ATRX: variants seen among roughly 807,000 people sequenced by gnomAD.
ATRX encodes ATRX chromatin remodeler, also known as chromatin remodeler ATRX.
A neutral mutation model predicts 172.6 loss-of-function variants in ATRX; 12 were observed. The ratio of observed to expected loss-of-function variants is 0.07; its 90% CI spans 0.04 to 0.11. ATRX has a LOEUF of 0.11. ATRX is among the 10% of genes least tolerant of loss of function. ATRX has a pLI of 1.00. For synonymous variants in ATRX, 674 were observed against 594.7 expected (o/e 1.13, Z -1.94); for missense variants, 1,368 against 1,767.4 (o/e 0.77, Z 4.05).
chrX:77,758,735 G>A (rs1234961979), intron 1 of ATRX, among the ~76,000 whole-genome samples: 1 of 109,726 alleles, frequency 9.1e-6, no homozygotes, highest in African/African-American at 3.3e-5. Context: ...TTTAGCCTGG[G>A]TGACAGAGCG....
chrX:77,563,702 C>CGCGT (rs2065095325), intron 28 of ATRX, among the ~76,000 whole-genome samples: 2 of 95,491 alleles, frequency 2.1e-5, no homozygotes, highest in Admixed American at 1.2e-4. Flanking sequence ...TGTGTACATG[C>CGCGT]GTGTGTGTGT....
At chrX:77,755,913 G>A (rs781971535) in intron 1 of ATRX, among the ~76,000 whole-genome samples, 1 of 112,409 alleles carries the variant, frequency 8.9e-6, no homozygotes, top group Admixed American at 9.4e-5. Context: ...AGACCTAGCA[G>A]GCAGGAACAT....
chrX:77,542,173 CA>C (rs2064026923), intron 30 of ATRX, among the ~76,000 whole-genome samples: 1 of 111,530 alleles, frequency 9.0e-6, no homozygotes, highest in South Asian at 3.8e-4. Flanking sequence ...ACACCAATAA[CA>C]GACAAACATA....
At chrX:77,608,213 C>T (rs1474940517) in intron 22 of ATRX, among the ~76,000 whole-genome samples, 10 of 108,771 alleles carry the variant, frequency 9.2e-5, no homozygotes, top group East Asian at 2.9e-4. Context: ...ACTAAAAATA[C>T]GAAAAATTAG....
intron 25 of ATRX, among the ~76,000 whole-genome samples, chrX:77,598,473 C>T (rs782791921): frequency 1.4e-3 from 154 of 111,691 alleles, no homozygotes; most frequent in Non-Finnish European, 2.5e-3. Context: ...TAATTAATCA[C>T]CAAGTTATTT....
chrX:77,736,748 T>C (rs1400058528), intron 1 of ATRX, among the ~76,000 whole-genome samples: 2 of 112,057 alleles, frequency 1.8e-5, no homozygotes, highest in African/African-American at 6.5e-5. Flanking sequence ...AATCAGCATA[T>C]CAAAGGGATA....
chrX:77,678,235 AG>A (rs2071006791), intron 9 of ATRX, among the ~76,000 whole-genome samples: 73 of 64,079 alleles, frequency 1.1e-3, no homozygotes, highest in Middle Eastern at 7.5e-3. Context: ...AAAAAAAAAA[AG>A]AGACAGACAG....
At chrX:77,616,211 C>T in intron 22 of ATRX, 1 of 839,095 alleles carries the variant, frequency 1.2e-6, no homozygotes, top group African/African-American at 2.2e-5. Flanking sequence ...TTGCCTTCAA[C>T]CTTTGTTAAT....
chrX:77,517,050 C>T (rs1361158804), intron 34 of ATRX, among the ~76,000 whole-genome samples: 1 of 108,823 alleles, frequency 9.2e-6, no homozygotes, highest in Non-Finnish European at 1.9e-5. Flanking sequence ...GGAAACACAA[C>T]ATACAAAAAC....
intron 21 of ATRX, among the ~76,000 whole-genome samples, chrX:77,618,165 C>G (rs1297605236): frequency 8.9e-6 from 1 of 112,095 alleles, no homozygotes; most frequent in Non-Finnish European, 1.9e-5. Context: ...AAAAGAATAG[C>G]CTGTCTCATT....
At chrX:77,692,397 C>T (rs2071942198) in intron 6 of ATRX, among the ~76,000 whole-genome samples, 1 of 111,755 alleles carries the variant, frequency 8.9e-6, no homozygotes, top group Non-Finnish European at 1.9e-5. Context: ...AGTTGACTAC[C>T]CCTTTGTGGA....
At chrX:77,728,768 T>TC (rs1271052973) in intron 1 of ATRX, among the ~76,000 whole-genome samples, 92 of 106,024 alleles carry the variant, frequency 8.7e-4, no homozygotes, top group African/African-American at 1.5e-3. Flanking sequence ...TCTTTTCTTT[T>TC]TTTTTTTTTG....
At chrX:77,743,404 G>A (rs1480560098) in intron 1 of ATRX, among the ~76,000 whole-genome samples, 2 of 110,923 alleles carry the variant, frequency 1.8e-5, no homozygotes, top group African/African-American at 6.6e-5. Context: ...TTACACCACT[G>A]TGGGGGCCTG....
At chrX:77,579,328 C>A (rs1557072450) in intron 27 of ATRX, among the ~76,000 whole-genome samples, 1 of 111,969 alleles carries the variant, frequency 8.9e-6, no homozygotes, top group Non-Finnish European at 1.9e-5. Flanking sequence ...TTACAGTGGG[C>A]CTTGGGCAAG....
chrX:77,778,979 G>A (rs1406244976), intron 1 of ATRX, among the ~76,000 whole-genome samples: 1 of 106,965 alleles, frequency 9.3e-6, no homozygotes, highest in East Asian at 3.0e-4. Context: ...CCAGACTAGA[G>A]TGCAGTGGCG....
chrX:77,718,908 C>T (rs1485583968), intron 1 of ATRX, among the ~76,000 whole-genome samples: 1 of 110,951 alleles, frequency 9.0e-6, no homozygotes, highest in Non-Finnish European at 1.9e-5. Context: ...ACCTGTGGCA[C>T]ACACCTATGT....
intron 27 of ATRX, among the ~76,000 whole-genome samples, chrX:77,583,369 C>T (rs1487603915): frequency 3.6e-5 from 4 of 110,478 alleles, no homozygotes; most frequent in Non-Finnish European, 7.6e-5. Flanking sequence ...ACTAAAAATG[C>T]AAAAATTAGT....
chrX:77,533,784 G>A (rs1367929573), intron 30 of ATRX, among the ~76,000 whole-genome samples: 3 of 110,866 alleles, frequency 2.7e-5, no homozygotes, highest in Non-Finnish European at 5.7e-5. Context: ...AAAGTTGAAA[G>A]AAAAAAAATG....
chrX:77,676,214 A>C lies in ATRX; in HGVS notation c.3809+12T>G. Reference sequence around the variant, plus strand: ...TATAATCTTTTTAAAGTCCTTACAGATGGAATCATACCTATTCTCAGGATC... The same window carrying C: ...TATAATCTTTTTAAAGTCCTTACAGCTGGAATCATACCTATTCTCAGGATC... On this transcript the variant is annotated intron_variant, in intron 10 of 34. Coordinates refer to ENST00000373344, the MANE Select transcript of ATRX (RefSeq NM_000489.6). 1 of 1,200,651 alleles carries C rather than the reference A, an allele frequency of 8.3e-7. No individual in the cohort carries two copies. Among genetic ancestry groups the C allele is most frequent in the Non-Finnish European group, 1.1e-6 (1 of 887,305 alleles).
Sources: gnomAD v4.1 joint callset for allele counts (sites outside exome capture counted in the v4.1 genomes callset) on GRCh38, gnomAD v4.1.1 for gene constraint, MANE v1.5 for transcripts, NCBI Gene and HGNC (gene_info 2026-07-23, HGNC 2026-07-21) for gene names.